SYT1: variants seen among roughly 807,000 people sequenced by gnomAD.
The protein encoded by SYT1 is synaptotagmin-1.
SYT1 carries 8 observed loss-of-function variants against 44.8 expected under a neutral mutation model. That is an observed-to-expected ratio of 0.18 (90% CI 0.10 to 0.32). SYT1 has a LOEUF of 0.32. Ranked by LOEUF, SYT1 falls within the 10% of genes least tolerant of loss-of-function variation. The pLI is 1.00. For missense variants in SYT1, 286 were observed against 509.3 expected (o/e 0.56, Z 4.22); for synonymous variants, 154 against 188.8 (o/e 0.82, Z 1.51).
At chr12:79,005,361 A>C (rs1022177065) in intron 2 of SYT1, among the ~76,000 whole-genome samples, 1 of 151,946 alleles carries the variant, frequency 6.6e-6, no homozygotes, top group Non-Finnish European at 1.5e-5. Flanking sequence ...CATGGAATTT[A>C]AGGTCCCACA....
intron 1 of SYT1, among the ~76,000 whole-genome samples, chr12:78,945,177 C>A (rs1482482882): frequency 6.6e-6 from 1 of 152,094 alleles, no homozygotes; most frequent in Non-Finnish European, 1.5e-5. Context: ...AGCAATTCAG[C>A]TGTTTTTTTG....
chr12:78,891,894 C>T (rs1875077837), intron 1 of SYT1, among the ~76,000 whole-genome samples: 1 of 151,866 alleles, frequency 6.6e-6, no homozygotes, highest in Admixed American at 6.6e-5. Context: ...ATCCACAGTG[C>T]TAGCACTGAT....
intron 9 of SYT1, among the ~76,000 whole-genome samples, chr12:79,360,338 CT>C (rs1883272564): frequency 6.6e-6 from 1 of 152,122 alleles, no homozygotes; most frequent in South Asian, 2.1e-4. Context: ...AAATTATTAT[CT>C]TTTTTTCTTG....
chr12:79,296,360 A>C, intron 7 of SYT1, 124 bp downstream of exon 7: 1 of 1,000,092 alleles, frequency 1.0e-6, no homozygotes, highest in Non-Finnish European at 1.4e-6. Flanking sequence ...AATTCCAGTC[A>C]GAATATGCAA....
intron 3 of SYT1, among the ~76,000 whole-genome samples, chr12:79,121,155 T>G (rs1194312735): frequency 1.3e-5 from 2 of 152,004 alleles, no homozygotes; most frequent in Non-Finnish European, 2.9e-5. Flanking sequence ...ACCCCTGCCT[T>G]CTGTCTTCCT....
chr12:79,119,744 A>G (rs1027818648), intron 3 of SYT1, among the ~76,000 whole-genome samples: 3 of 152,234 alleles, frequency 2.0e-5, no homozygotes, highest in African/African-American at 7.2e-5. Context: ...TGAAACAAAG[A>G]GGAACATTTC....
At chr12:79,045,976 T>A (rs1874021036) in intron 2 of SYT1, 2 of 152,210 alleles carry the variant, frequency 1.3e-5, no homozygotes. Context: ...CACAGAATCT[T>A]GCTCTAGTTT....
At chr12:78,938,559 G>C (rs1047874776) in intron 1 of SYT1, among the ~76,000 whole-genome samples, 1 of 152,024 alleles carries the variant, frequency 6.6e-6, no homozygotes, top group East Asian at 1.9e-4. Flanking sequence ...AAGTAAAAAG[G>C]TCCTAAAATG....
intron 3 of SYT1, among the ~76,000 whole-genome samples, chr12:79,143,283 T>C (rs986047129): frequency 2.0e-5 from 3 of 152,210 alleles, no homozygotes; most frequent in Non-Finnish European, 4.4e-5. Flanking sequence ...TACAATTATA[T>C]ACTGTTGTCT....
At chr12:79,197,767 A>C (rs1003406346) in intron 3 of SYT1, among the ~76,000 whole-genome samples, 2 of 152,198 alleles carry the variant, frequency 1.3e-5, no homozygotes, top group African/African-American at 4.8e-5. Flanking sequence ...TAACATGTGT[A>C]TGTCTGTAGT....
At chr12:79,303,041 G>T (rs931954502) in intron 8 of SYT1, among the ~76,000 whole-genome samples, 10 of 152,148 alleles carry the variant, frequency 6.6e-5, no homozygotes, top group Non-Finnish European at 4.4e-5. Flanking sequence ...CTGAATCTTT[G>T]AGATTTTCTT....
chr12:79,283,709 T>C (rs985588021), intron 4 of SYT1, among the ~76,000 whole-genome samples: 3 of 152,136 alleles, frequency 2.0e-5, no homozygotes, highest in Non-Finnish European at 2.9e-5. Flanking sequence ...ATATCATTGG[T>C]TACATAAAAT....
At chr12:78,890,421 G>C (rs149671149) in intron 1 of SYT1, among the ~76,000 whole-genome samples, 1 of 151,874 alleles carries the variant, frequency 6.6e-6, no homozygotes, top group African/African-American at 2.4e-5. Flanking sequence ...GATAGCATTA[G>C]TAGATATACC....
intron 9 of SYT1, among the ~76,000 whole-genome samples, chr12:79,357,070 T>G (rs957703384): frequency 2.6e-5 from 4 of 152,208 alleles, no homozygotes; most frequent in African/African-American, 4.8e-5. Context: ...AACAAAACAT[T>G]TGAGAAAATA....
chr12:79,125,021 G>C (rs1053833199), intron 3 of SYT1, among the ~76,000 whole-genome samples: 1 of 151,886 alleles, frequency 6.6e-6, no homozygotes, highest in Non-Finnish European at 1.5e-5. Context: ...TGTGGGTTTT[G>C]TTTGGTTTGG....
chr12:79,037,230 G>A (rs151174649), intron 2 of SYT1, among the ~76,000 whole-genome samples: 6 of 151,298 alleles, frequency 4.0e-5, no homozygotes, highest in African/African-American at 9.7e-5. Context: ...TGCCCTTATC[G>A]TCACTCAGTC....
chr12:79,310,082 G>C (rs1470125312), intron 8 of SYT1, among the ~76,000 whole-genome samples: 2 of 152,146 alleles, frequency 1.3e-5, no homozygotes, highest in Admixed American at 1.3e-4. Flanking sequence ...TAGACATGAA[G>C]TCCTTGCCCA....
rs1173213247 is a variant in SYT1, at chr12:78,864,954, A to G, written c.-372A>G. ...GTGGGACCAGCTGGTGGCCCTGGAA[A>G]ACCTCCCACACACCCACACCCACAC... On this transcript the variant is annotated 5_prime_UTR_variant, in exon 1 of 11. Coordinates refer to ENST00000261205, the MANE Select transcript of SYT1 (RefSeq NM_005639.3). 6.6e-6 allele frequency: 1 copy of G among 152,110 alleles called. No individual in the cohort carries two copies. Among genetic ancestry groups the G allele is most frequent in the Non-Finnish European group, 1.5e-5 (1 of 68,156 alleles). The allele number at this position is 152,110 out of a possible 1,614,324, so 9.4% of individuals were successfully genotyped here. A position where few individuals can be genotyped will look rare whatever the true frequency, so the allele number is the denominator to read the frequency against.
At position 79,178,969 on chromosome 12, in the gene SYT1, T is replaced by TATAGATATAGATATATAG. The variant is rs1555204670; in HGVS notation, c.-17-38531_-17-38530insGATATAGATATATAGATA. Among the ~76,000 whole-genome samples, 7 of 46,868 alleles carry TATAGATATAGATATATAG rather than the reference T, an allele frequency of 1.5e-4. 2 individuals carry two copies. The highest frequency in any genetic ancestry group is 6.1e-4 in the East Asian group (1 of 1,644). The allele number at this position is 46,868 out of a possible 152,430, so 30.7% of individuals were successfully genotyped here. A position where few individuals can be genotyped will look rare whatever the true frequency, so the allele number is the denominator to read the frequency against. On this transcript the variant is annotated intron_variant, in intron 3 of 10. Coordinates refer to ENST00000261205, the MANE Select transcript of SYT1 (RefSeq NM_005639.3). ...ATATAGATATAGATATAGATATAGA[T>TATAGATATAGATATATAG]ATATAGATATAGATATATCTATATA... is the stretch of plus-strand genomic sequence containing the variant.
Sources: allele counts gnomAD v4.1 joint callset (sites outside exome capture counted in the v4.1 genomes callset), GRCh38; gene constraint gnomAD v4.1.1; transcripts MANE v1.5; gene names NCBI Gene and HGNC (gene_info 2026-07-23, HGNC 2026-07-21).